ARB2A: variants seen among roughly 807,000 people sequenced by gnomAD.
The protein encoded by ARB2A is cotranscriptional regulator ARB2A.
At chr5:94,110,809 C>T in the ARB2A span, among the ~76,000 whole-genome samples, 1 of 152,080 alleles carries the variant, frequency 6.6e-6, no homozygotes, top group African/African-American at 2.4e-5. Flanking sequence ...CCCTCTACAG[C>T]TTTTTTGAGG....
chr5:93,809,198 T>C, the ARB2A span, among the ~76,000 whole-genome samples: 11 of 152,112 alleles, frequency 7.2e-5, no homozygotes, highest in Non-Finnish European at 1.5e-4. Context: ...TACTTAGCCA[T>C]TAAAAGGATG....
the ARB2A span, among the ~76,000 whole-genome samples, chr5:93,823,570 T>A: frequency 6.6e-6 from 1 of 152,172 alleles, no homozygotes; most frequent in African/African-American, 2.4e-5. Flanking sequence ...CTCAATGGTG[T>A]ATACATAAAG....
the ARB2A span, chr5:94,052,987 A>G: frequency 2.4e-6 from 1 of 416,972 alleles, no homozygotes; most frequent in Non-Finnish European, 4.3e-6. Flanking sequence ...AAGAATACAG[A>G]AAACATTCTA....
the ARB2A span, among the ~76,000 whole-genome samples, chr5:93,630,216 A>C: frequency 1.3e-5 from 2 of 152,196 alleles, no homozygotes; most frequent in African/African-American, 2.4e-5. Flanking sequence ...AAGGGCTTCT[A>C]TTGGAAATCC....
At chr5:94,078,137 G>A in the ARB2A span, among the ~76,000 whole-genome samples, 2 of 152,030 alleles carry the variant, frequency 1.3e-5, no homozygotes, top group Non-Finnish European at 2.9e-5. Flanking sequence ...TATTAAATAC[G>A]AACTAGATAT....
chr5:93,853,437 A>G, the ARB2A span, among the ~76,000 whole-genome samples: 1 of 152,178 alleles, frequency 6.6e-6, no homozygotes, highest in Admixed American at 6.5e-5. Context: ...TTCCTAATTG[A>G]ATACCCTTTA....
the ARB2A span, among the ~76,000 whole-genome samples, chr5:94,109,222 G>T: frequency 1.3e-5 from 2 of 152,178 alleles, no homozygotes; most frequent in Non-Finnish European, 2.9e-5. Flanking sequence ...GAGGTACCTA[G>T]AGTAGTCAAA....
the ARB2A span, among the ~76,000 whole-genome samples, chr5:94,015,039 T>C: frequency 1.8e-4 from 28 of 151,936 alleles, no homozygotes; most frequent in Non-Finnish European, 3.5e-4. Context: ...TCCAGGTACA[T>C]GAAGGCCAGA....
the ARB2A span, among the ~76,000 whole-genome samples, chr5:93,760,199 C>T: frequency 2.6e-5 from 4 of 152,060 alleles, no homozygotes; most frequent in Admixed American, 6.5e-5. Context: ...ACCAAGGAGT[C>T]AGAAGACCTC....
chr5:93,887,595 G>C, the ARB2A span, among the ~76,000 whole-genome samples: 67 of 151,686 alleles, frequency 4.4e-4, no homozygotes, highest in Non-Finnish European at 7.8e-4. Flanking sequence ...CAATAAGAGA[G>C]ATTATCCCCC....
the ARB2A span, among the ~76,000 whole-genome samples, chr5:94,026,278 C>T: frequency 6.6e-6 from 1 of 152,076 alleles, no homozygotes; most frequent in Admixed American, 6.5e-5. Flanking sequence ...TATGGGGTGG[C>T]TGCCCTCTGC....
chr5:93,981,243 A>AT, the ARB2A span, among the ~76,000 whole-genome samples: 1 of 151,526 alleles, frequency 6.6e-6, no homozygotes, highest in South Asian at 2.1e-4. Context: ...AATTTTTTGT[A>AT]TTTTTTGTAG....
At chr5:94,024,805 C>T in the ARB2A span, among the ~76,000 whole-genome samples, 2 of 152,064 alleles carry the variant, frequency 1.3e-5, no homozygotes, top group Non-Finnish European at 1.5e-5. Context: ...AAGCAGCATC[C>T]TTGGCACCAA....
At chr5:93,643,128 A>C in the ARB2A span, among the ~76,000 whole-genome samples, 1 of 152,220 alleles carries the variant, frequency 6.6e-6, no homozygotes, top group African/African-American at 2.4e-5. Flanking sequence ...TTTTTGTCCA[A>C]AAAGTATTGT....
At chr5:93,806,661 T>G in the ARB2A span, among the ~76,000 whole-genome samples, 1 of 151,980 alleles carries the variant, frequency 6.6e-6, no homozygotes, top group Non-Finnish European at 1.5e-5. Flanking sequence ...TTTTAAAGTA[T>G]GAATTCCAGA....
At chr5:93,881,640 C>T in the ARB2A span, 2 of 1,601,096 alleles carry the variant, frequency 1.2e-6, no homozygotes, top group Admixed American at 1.7e-5. Flanking sequence ...GGCTTTTCTA[C>T]TTCAATATAG....
chr5:93,973,862 G>A, the ARB2A span, among the ~76,000 whole-genome samples: 23 of 152,244 alleles, frequency 1.5e-4, no homozygotes, highest in East Asian at 1.9e-3. Context: ...ACAAGCAATC[G>A]CTAAAGGAAC....
At chr5:93,923,241 T>C in the ARB2A span, among the ~76,000 whole-genome samples, 4 of 152,198 alleles carry the variant, frequency 2.6e-5, no homozygotes, top group Non-Finnish European at 5.9e-5. Context: ...ATACAGTATA[T>C]AATACTATAC....
the ARB2A span, among the ~76,000 whole-genome samples, chr5:93,629,374 T>C: frequency 6.6e-6 from 1 of 151,894 alleles, no homozygotes; most frequent in Non-Finnish European, 1.5e-5. Flanking sequence ...AAATGTGACA[T>C]AGAGACACAA....
Sources: gnomAD v4.1 joint callset for allele counts (sites outside exome capture counted in the v4.1 genomes callset) on GRCh38, gnomAD v4.1.1 for gene constraint, MANE v1.5 for transcripts, NCBI Gene and HGNC (gene_info 2026-07-23, HGNC 2026-07-21) for gene names.